The following GALNT7 variants were observed in gnomAD, a reference collection of about 807,000 sequenced individuals.
GALNT7 encodes the protein N-acetylgalactosaminyltransferase 7.
In GALNT7, 60 loss-of-function variants were observed where a neutral mutation model predicts 82.1. The observed-to-expected ratio is 0.73, with a 90% CI of 0.59 to 0.91. The LOEUF (loss-of-function observed/expected upper bound fraction) is 0.91. Ranked by LOEUF, GALNT7 falls within the 40% of genes least tolerant of loss-of-function variation. The pLI is 0.00. For missense variants in GALNT7, 660 were observed against 804.2 expected, an observed-to-expected ratio of 0.82 and a Z score of 2.17; for synonymous variants, 243 against 275.1, an observed-to-expected ratio of 0.88 and a Z score of 1.15.
chr4:173,293,238 C>G (rs1188602597), intron 3 of GALNT7, among the ~76,000 whole-genome samples: 2 of 151,918 alleles, frequency 1.3e-5, no homozygotes, highest in Non-Finnish European at 2.9e-5. Flanking sequence ...AAGAAAAGAA[C>G]ACAATTTTGG....
chr4:173,262,973 ATAT>A (rs1360605139), intron 2 of GALNT7, among the ~76,000 whole-genome samples: 1 of 152,208 alleles, frequency 6.6e-6, no homozygotes, highest in Non-Finnish European at 1.5e-5. Context: ...ATATTAGGGT[ATAT>A]TATTATGAAG....
chr4:173,176,480 G>A (rs1031220979), intron 1 of GALNT7, among the ~76,000 whole-genome samples: 2 of 152,198 alleles, frequency 1.3e-5, no homozygotes, highest in African/African-American at 2.4e-5. Flanking sequence ...AAATTATATG[G>A]ATGTCTTGCT....
At chr4:173,201,642 C>G (rs1156619606) in intron 1 of GALNT7, among the ~76,000 whole-genome samples, 2 of 152,154 alleles carry the variant, frequency 1.3e-5, no homozygotes, top group Non-Finnish European at 2.9e-5. Context: ...AATGCCAACT[C>G]CCATTCAGAG....
intron 2 of GALNT7, among the ~76,000 whole-genome samples, chr4:173,252,082 T>C (rs957849259): frequency 1.3e-5 from 2 of 152,222 alleles, no homozygotes; most frequent in Admixed American, 6.5e-5. Flanking sequence ...ATCTTTGGAA[T>C]TTTTCTCTAA....
At position 173,267,057 on chromosome 4, in the gene GALNT7, C is replaced by T. The variant is rs1043415188; in HGVS notation, c.587+18617C>T. Among the ~76,000 whole-genome samples the T allele has an allele frequency of 1.1e-4, 16 of 151,954 alleles. 1 individual carries two copies. Among genetic ancestry groups the T allele is most frequent in the Admixed American group, 1.0e-3 (16 of 15,242 alleles). On this transcript the variant is annotated intron_variant, in intron 2 of 11. Transcript: ENST00000265000. ...GTTAACAACAATGTATTGTGTATTT[C>T]AAAAGGGCTAGAAAAGAATATTTGG...
chr4:173,281,417 G>A (rs1019694095), intron 2 of GALNT7, among the ~76,000 whole-genome samples: 5 of 152,220 alleles, frequency 3.3e-5, no homozygotes, highest in Admixed American at 2.0e-4. Flanking sequence ...AGAGCCTGTC[G>A]TGTCTTAAGC....
At chr4:173,212,125 A>G (rs1384497956) in intron 1 of GALNT7, among the ~76,000 whole-genome samples, 1 of 152,254 alleles carries the variant, frequency 6.6e-6, no homozygotes, top group Non-Finnish European at 1.5e-5. Flanking sequence ...CAGAAAGGTC[A>G]TCCAAAGGTA....
intron 11 of GALNT7, among the ~76,000 whole-genome samples, chr4:173,319,531 A>T (rs1363890264): frequency 6.6e-6 from 1 of 152,174 alleles, no homozygotes; most frequent in Non-Finnish European, 1.5e-5. Flanking sequence ...TTTCACAAAA[A>T]AAAAGGATAT....
At chr4:173,209,958 C>G (rs974057359) in intron 1 of GALNT7, among the ~76,000 whole-genome samples, 1 of 151,910 alleles carries the variant, frequency 6.6e-6, no homozygotes, top group Non-Finnish European at 1.5e-5. Context: ...CATGGTGAAA[C>G]CCCGTCTCTA....
intron 1 of GALNT7, among the ~76,000 whole-genome samples, chr4:173,195,239 TC>T (rs1732739792): frequency 6.6e-6 from 1 of 152,212 alleles, no homozygotes. Context: ...TGTGACTATT[TC>T]TCATGTTGCT....
At chr4:173,215,384 C>A (rs1733412604) in intron 1 of GALNT7, among the ~76,000 whole-genome samples, 1 of 152,074 alleles carries the variant, frequency 6.6e-6, no homozygotes, top group Non-Finnish European at 1.5e-5. Context: ...GCGTGTGCCA[C>A]CATGCCTGGC....
At chr4:173,315,201 A>C (rs934888981) in intron 9 of GALNT7, among the ~76,000 whole-genome samples, 1 of 152,210 alleles carries the variant, frequency 6.6e-6, no homozygotes, top group African/African-American at 2.4e-5. Flanking sequence ...AGCATAGTTC[A>C]TCTGGGAGTG....
rs11421248 is a variant in GALNT7, at chr4:173,235,556, C to CTT, written c.127-12411_127-12410dup. On this transcript the variant is annotated intron_variant, in intron 1 of 11. Transcript: ENST00000265000. ...TCAAGAAAGCCTTTTCTTTTCTTTT[C>CTT]TTTTTTTTTTTTTTCTTGAGACAGA... 6.0e-3 allele frequency among the ~76,000 whole-genome samples: 837 copies of CTT among 140,612 alleles called. 10 individuals carry two copies. Among genetic ancestry groups the CTT allele is most frequent in the Admixed American group, 0.023 (329 of 14,052 alleles). 92.2% of individuals were successfully genotyped at this position (140,612 alleles called of 152,430 possible).
At chr4:173,317,546 A>G in intron 9 of GALNT7, 88 bp from the exon 10 acceptor site, 5 of 834,448 alleles carry the variant, frequency 6.0e-6, no homozygotes, top group Non-Finnish European at 1.0e-5. Flanking sequence ...AAACTGTAAT[A>G]TTTAACATGA....
At chr4:173,247,851 G>T in intron 1 of GALNT7, 129 bp from the exon 2 acceptor site, 1 of 602,456 alleles carries the variant, frequency 1.7e-6, no homozygotes, top group Non-Finnish European at 2.9e-6. Context: ...CTGATTAATG[G>T]CCCGCTTGTA....
chr4:173,245,973 T>C (rs1734615452), intron 1 of GALNT7, among the ~76,000 whole-genome samples: 1 of 152,198 alleles, frequency 6.6e-6, no homozygotes, highest in South Asian at 2.1e-4. Flanking sequence ...TTCTCAACCC[T>C]GTACCACACA....
chr4:173,169,914 C>T (rs1370138405), intron 1 of GALNT7, among the ~76,000 whole-genome samples: 4 of 152,062 alleles, frequency 2.6e-5, no homozygotes, highest in Non-Finnish European at 4.4e-5. Context: ...GGAGCGGCGG[C>T]GCGGAGCTCG....
intron 2 of GALNT7, among the ~76,000 whole-genome samples, chr4:173,277,939 A>G (rs182418345): frequency 6.6e-6 from 1 of 152,322 alleles, no homozygotes; most frequent in African/African-American, 2.4e-5. Context: ...CTATTGAGGA[A>G]CTTGCCAGAT....
intron 3 of GALNT7, among the ~76,000 whole-genome samples, chr4:173,294,048 A>C (rs1736631452): frequency 6.6e-6 from 1 of 152,212 alleles, no homozygotes; most frequent in African/African-American, 2.4e-5. Context: ...AGTGTACCAC[A>C]GTGTGAAATA....
Sources: gnomAD v4.1 joint callset for allele counts (sites outside exome capture counted in the v4.1 genomes callset) on GRCh38, gnomAD v4.1.1 for gene constraint, MANE v1.5 for transcripts, NCBI Gene and HGNC (gene_info 2026-07-23, HGNC 2026-07-21) for gene names.